TTLL5: variants seen among roughly 807,000 people sequenced by gnomAD.
TTLL5 encodes the protein tubulin tyrosine ligase like 5, also known as tubulin polyglutamylase TTLL5.
A neutral mutation model predicts 168.4 loss-of-function variants in TTLL5; 132 were observed. The ratio of observed to expected loss-of-function variants is 0.78; its 90% CI spans 0.68 to 0.91. The LOEUF (loss-of-function observed/expected upper bound fraction) is 0.91. Ranked by LOEUF, TTLL5 falls within the 40% of genes least tolerant of loss-of-function variation. TTLL5 has a pLI of 0.00. For missense variants in TTLL5, 1,545 were observed against 1,581.5 expected (o/e 0.98, Z 0.39); for synonymous variants, 546 against 558.6 (o/e 0.98, Z 0.32).
chr14:75,721,004 C>G (rs1243100429), intron 12 of TTLL5, among the ~76,000 whole-genome samples: 1 of 152,182 alleles, frequency 6.6e-6, no homozygotes, highest in Non-Finnish European at 1.5e-5. Flanking sequence ...GAATCCAGCT[C>G]TAACAAATAT....
chr14:75,720,637 ATC>A lies in TTLL5; in HGVS notation c.980_981del (p.Ser327CysfsTer2). On this transcript the variant is annotated frameshift_variant, in exon 12 of 32. Transcript: ENST00000298832. LOFTEE classifies it high-confidence loss of function. Reference protein sequence around the residue: ...HVEDLIIKTIISAELAIATAC... With the variant: ...HVEDLIIKTIXSAELAIATAC... ...AGAAGACCTGATCATTAAGACTATA[ATC>A]TCTGCTGAACTAGCTATTGCTACTG... 1 of 1,613,654 alleles carries A rather than the reference ATC, an allele frequency of 6.2e-7. No individual in the cohort carries two copies. The highest frequency in any genetic ancestry group is 8.5e-7 in the Non-Finnish European group (1 of 1,179,670).
chr14:75,850,820 A>G lies in TTLL5; in HGVS notation c.3327-12847A>G, dbSNP rs140448191. Among the ~76,000 whole-genome samples the G allele has an allele frequency of 2.0e-5, 3 of 152,252 alleles. No individual in the cohort carries two copies. The East Asian group carries it at 5.8e-4, about 29-fold the overall frequency. On this transcript the variant is annotated intron_variant, in intron 28 of 31. Coordinates refer to ENST00000298832, the MANE Select transcript of TTLL5 (RefSeq NM_015072.5). ...ACTTTAAATATAATAGAATTTAACA[A>G]TAGAAGGACAGGTGCAGTGGCTCAT...
intron 27 of TTLL5, among the ~76,000 whole-genome samples, chr14:75,802,222 T>C (rs1441437872): frequency 6.6e-6 from 1 of 152,226 alleles, no homozygotes; most frequent in Admixed American, 6.5e-5. Context: ...TTCCTTAACT[T>C]TGTTCCACTA....
intron 30 of TTLL5, among the ~76,000 whole-genome samples, chr14:75,897,668 G>T (rs1467795093): frequency 6.6e-6 from 1 of 151,910 alleles, no homozygotes; most frequent in Non-Finnish European, 1.5e-5. Flanking sequence ...TAGAGATGGG[G>T]TTTCACCATG....
chr14:75,737,968 T>C (rs1321342367), intron 15 of TTLL5, among the ~76,000 whole-genome samples: 1 of 152,186 alleles, frequency 6.6e-6, no homozygotes, highest in South Asian at 2.1e-4. Context: ...AGACATCTTA[T>C]GAAACATACT....
chr14:75,763,220 G>T (rs1890761389), intron 18 of TTLL5, among the ~76,000 whole-genome samples: 1 of 149,548 alleles, frequency 6.7e-6, no homozygotes. Context: ...CTTTATTATT[G>T]AATTGGCTAA....
chr14:75,850,848 C>T (rs1461480131), intron 28 of TTLL5, among the ~76,000 whole-genome samples: 1 of 151,936 alleles, frequency 6.6e-6, no homozygotes, highest in Non-Finnish European at 1.5e-5. Context: ...TGGCTCATGC[C>T]TGTAATCCCA....
At chr14:75,669,732 G>GTT (rs1040079594) in intron 3 of TTLL5, among the ~76,000 whole-genome samples, 2 of 148,970 alleles carry the variant, frequency 1.3e-5, no homozygotes, top group Non-Finnish European at 3.0e-5. Flanking sequence ...GTGTACATGT[G>GTT]TTTTTTTTTT....
chr14:75,812,703 C>T (rs1382237050), intron 27 of TTLL5, among the ~76,000 whole-genome samples: 6 of 152,170 alleles, frequency 3.9e-5, no homozygotes, highest in East Asian at 1.9e-4. Flanking sequence ...ATCCCCTGCC[C>T]GTGAGCTTTG....
intron 28 of TTLL5, among the ~76,000 whole-genome samples, chr14:75,845,314 T>A (rs946790807): frequency 6.6e-6 from 1 of 152,170 alleles, no homozygotes; most frequent in Non-Finnish European, 1.5e-5. Context: ...ATGATCACAA[T>A]GTACTGGTCA....
chr14:75,900,025 A>C, intron 30 of TTLL5, among the ~76,000 whole-genome samples: 1 of 151,644 alleles, frequency 6.6e-6, no homozygotes, highest in East Asian at 1.9e-4. Context: ...CTCCTAAAGC[A>C]AGCACAGTGG....
At chr14:75,704,310 G>A (rs1284169092) in intron 7 of TTLL5, among the ~76,000 whole-genome samples, 2 of 152,118 alleles carry the variant, frequency 1.3e-5, no homozygotes, top group Non-Finnish European at 2.9e-5. Flanking sequence ...AGGCTGAGGC[G>A]GGCATATCAC....
intron 12 of TTLL5, among the ~76,000 whole-genome samples, chr14:75,730,363 A>G: frequency 6.6e-6 from 1 of 152,330 alleles, no homozygotes; most frequent in Non-Finnish European, 1.5e-5. Context: ...CATTGCGAAA[A>G]GAAGAGATGA....
intron 18 of TTLL5, among the ~76,000 whole-genome samples, chr14:75,762,739 C>T (rs1890729650): frequency 6.6e-6 from 1 of 152,178 alleles, no homozygotes; most frequent in African/African-American, 2.4e-5. Context: ...TTTGTAGTAG[C>T]TTCTCCATAT....
chr14:75,826,162 A>G (rs1895117664), intron 28 of TTLL5, among the ~76,000 whole-genome samples: 2 of 152,288 alleles, frequency 1.3e-5, no homozygotes, highest in East Asian at 3.9e-4. Context: ...TCCACAAGTC[A>G]GAATAAAGCA....
intron 31 of TTLL5, among the ~76,000 whole-genome samples, chr14:75,953,112 A>G: frequency 6.6e-6 from 1 of 152,252 alleles, no homozygotes. Context: ...TCATATAAGA[A>G]GAAACACTTA....
At chr14:75,863,924 A>AAAAAAG in intron 29 of TTLL5, 62 bp downstream of exon 29, 1 of 1,329,542 alleles carries the variant, frequency 7.5e-7, no homozygotes, top group Non-Finnish European at 9.9e-7. Flanking sequence ...AAAAAAAAAA[A>AAAAAAG]AAAAAAAAAA....
intron 15 of TTLL5, among the ~76,000 whole-genome samples, chr14:75,744,009 C>T (rs535650109): frequency 5.3e-5 from 8 of 152,176 alleles, no homozygotes; most frequent in Non-Finnish European, 1.2e-4. Flanking sequence ...AGGACTTCAA[C>T]ATGAGAATTT....
intron 2 of TTLL5, among the ~76,000 whole-genome samples, chr14:75,667,751 G>GTTTTTT (rs67181555): frequency 0.016 from 1,381 of 89,074 alleles, 10 homozygotes; most frequent in Non-Finnish European, 0.019. Flanking sequence ...ATCTTTTTAT[G>GTTTTTT]TTTTTTTTTT....
Sources: gnomAD v4.1 joint callset for allele counts (sites outside exome capture counted in the v4.1 genomes callset) on GRCh38, gnomAD v4.1.1 for gene constraint, MANE v1.5 for transcripts, NCBI Gene and HGNC (gene_info 2026-07-23, HGNC 2026-07-21) for gene names.